Variants in FREM1 observed in about 807,000 individuals in gnomAD.
FREM1 encodes FRAS1 related extracellular matrix 1.
Under a neutral mutation model 210.1 loss-of-function variants are expected in FREM1, and 220 were observed. That is an observed-to-expected ratio of 1.05 (90% CI 0.94 to 1.17). The LOEUF is 1.17. Among genes scored for constraint, FREM1 ranks in the 50% most tolerant of loss-of-function variants. The pLI, the probability that FREM1 is intolerant of heterozygous loss-of-function variation, is 0.00. For missense variants in FREM1, 3,454 were observed against 2,675.5 expected, an observed-to-expected ratio of 1.29 and a Z score of -6.42; for synonymous variants, 1,189 against 980.2, an observed-to-expected ratio of 1.21 and a Z score of -3.98.
intron 1 of FREM1, among the ~76,000 whole-genome samples, chr9:14,888,395 C>T (rs2132316051): frequency 6.6e-6 from 1 of 152,188 alleles, no homozygotes; most frequent in Admixed American, 6.5e-5. Flanking sequence ...CTTCACTAGC[C>T]CTAAAGTTTT....
At chr9:14,871,753 A>T (rs1296596468) in intron 1 of FREM1, among the ~76,000 whole-genome samples, 1 of 151,704 alleles carries the variant, frequency 6.6e-6, no homozygotes, top group Admixed American at 6.6e-5. Flanking sequence ...GAATGGTAAT[A>T]CCTAGGTTTT....
intron 1 of FREM1, among the ~76,000 whole-genome samples, chr9:14,902,988 T>A (rs576957042): frequency 2.0e-5 from 3 of 152,378 alleles, no homozygotes; most frequent in African/African-American, 4.8e-5. Flanking sequence ...CTTTGGGTAC[T>A]ATTTAATGTA....
At chr9:14,883,206 A>T (rs545234826) in intron 1 of FREM1, among the ~76,000 whole-genome samples, 5 of 152,300 alleles carry the variant, frequency 3.3e-5, no homozygotes, top group Non-Finnish European at 7.3e-5. Flanking sequence ...AACAGAATAC[A>T]TATTAAAAAA....
At chr9:14,904,259 T>C (rs1374027590) in intron 1 of FREM1, among the ~76,000 whole-genome samples, 1 of 152,190 alleles carries the variant, frequency 6.6e-6, no homozygotes, top group Non-Finnish European at 1.5e-5. Context: ...GAGTTGTGCC[T>C]TATAGCTCGT....
intron 6 of FREM1, 25 bp from the exon 7 acceptor site, chr9:14,848,798 G>C (rs765269455): frequency 4.1e-5 from 57 of 1,392,086 alleles, no homozygotes; most frequent in Non-Finnish European, 5.6e-5. Flanking sequence ...AGGCAAAGGA[G>C]CCACACACTG....
At chr9:14,810,897 C>T (rs1819283127) in intron 16 of FREM1, among the ~76,000 whole-genome samples, 1 of 152,078 alleles carries the variant, frequency 6.6e-6, no homozygotes, top group Non-Finnish European at 1.5e-5. Flanking sequence ...TTTTCCATTC[C>T]TTCCAAGTTT....
intron 7 of FREM1, among the ~76,000 whole-genome samples, chr9:14,847,434 G>GGAAGGAAGGAAGGAAGGAAGGAAGGA (rs1826885384): frequency 3.0e-5 from 1 of 33,804 alleles, no homozygotes; most frequent in Admixed American, 3.2e-4. Flanking sequence ...GGAAGGGAGG[G>GGAAGGAAGGAAGGAAGGAAGGAAGGA]AGGGAGGGAG....
intron 1 of FREM1, among the ~76,000 whole-genome samples, chr9:14,873,641 G>A (rs1833145599): frequency 6.6e-6 from 1 of 152,022 alleles, no homozygotes; most frequent in African/African-American, 2.4e-5. Context: ...TTAATTTTTT[G>A]AAGGGTTTTT....
chr9:14,879,311 G>C lies in FREM1; in HGVS notation c.-267-10067C>G, dbSNP rs918637201. Among the ~76,000 whole-genome samples, 28 of 41,752 alleles carry C rather than the reference G, an allele frequency of 6.7e-4. No individual in the cohort carries two copies. In the Admixed American group the frequency reaches 6.8e-3, roughly 10 times the overall value. 27.4% of individuals were successfully genotyped at this position (41,752 alleles called of 152,430 possible). A position where few individuals can be genotyped will look rare whatever the true frequency, so the allele number is the denominator to read the frequency against. On this transcript the variant is annotated intron_variant, in intron 1 of 36. Transcript: ENST00000380880. ...CCATTTTCTGTGCCCATAACACTGA[G>C]GTTGAGGAGGTTGAGATTCTTGACT...
intron 32 of FREM1, 94 bp downstream of exon 32, chr9:14,747,587 A>T: frequency 2.0e-6 from 2 of 1,012,620 alleles, no homozygotes; most frequent in South Asian, 3.6e-5. Flanking sequence ...TTTTTAAGAG[A>T]AATGTATAAA....
chr9:14,800,441 T>C (rs1853317836), intron 20 of FREM1, among the ~76,000 whole-genome samples: 1 of 152,240 alleles, frequency 6.6e-6, no homozygotes, highest in Non-Finnish European at 1.5e-5. Flanking sequence ...AGATTGAATT[T>C]TTTAAAAGAG....
chr9:14,845,969 T>C lies in FREM1; in HGVS notation c.1384A>G (p.Thr462Ala), dbSNP rs1826527814. 6.2e-7 allele frequency: 1 copy of C among 1,613,622 alleles called. No individual in the cohort carries two copies. Among genetic ancestry groups the C allele is most frequent in the African/African-American group, 1.3e-5 (1 of 75,056 alleles). The change falls in exon 8 of 37, where the codon ACT becomes GCT. Residue 462 changes from threonine to alanine, a missense_variant. Transcript: ENST00000380880. Reference protein sequence around the residue: ...TVGGLQHGWLTLRGGKGFLFT... With the variant: ...TVGGLQHGWLALRGGKGFLFT... Reference sequence around the variant, plus strand: ...AAGTTGGATCATTCACCTCTTAAAGTCAGCCATCCATGCTGCAGGCCACCA... The same window carrying C: ...AAGTTGGATCATTCACCTCTTAAAGCCAGCCATCCATGCTGCAGGCCACCA...
chr9:14,857,866 T>G (rs146443018), intron 4 of FREM1, 117 bp from the exon 5 acceptor site: 3 of 618,980 alleles, frequency 4.8e-6, no homozygotes, highest in East Asian at 2.9e-5. Flanking sequence ...GGAACACTCA[T>G]GTACCTTCCA....
intron 1 of FREM1, among the ~76,000 whole-genome samples, chr9:14,889,658 T>G (rs777396021): frequency 4.6e-5 from 7 of 152,206 alleles, no homozygotes; most frequent in Non-Finnish European, 7.3e-5. Flanking sequence ...TTCAGGAAGC[T>G]GCCAGACTCA....
intron 3 of FREM1, among the ~76,000 whole-genome samples, chr9:14,863,042 G>T (rs1830853769): frequency 6.6e-6 from 1 of 151,886 alleles, no homozygotes; most frequent in Non-Finnish European, 1.5e-5. Context: ...CTCCATAGTT[G>T]ATTTTTAAAG....
intron 10 of FREM1, among the ~76,000 whole-genome samples, chr9:14,837,108 C>G (rs1824773567): frequency 1.3e-5 from 2 of 152,190 alleles, no homozygotes; most frequent in South Asian, 4.1e-4. Flanking sequence ...ATGCTCCTGG[C>G]AACATGGCCG....
intron 8 of FREM1, among the ~76,000 whole-genome samples, chr9:14,843,893 A>T (rs1826136341): frequency 6.6e-6 from 1 of 152,230 alleles, no homozygotes; most frequent in Non-Finnish European, 1.5e-5. Context: ...TAGAGCTCTA[A>T]TATCTAACAG....
chr9:14,870,453 C>A (rs1239296218), intron 1 of FREM1, among the ~76,000 whole-genome samples: 2 of 152,198 alleles, frequency 1.3e-5, no homozygotes, highest in African/African-American at 4.8e-5. Context: ...CAAGAATGCA[C>A]ATCTGGTTGT....
intron 4 of FREM1, 28 bp downstream of exon 4, chr9:14,859,155 C>T: frequency 6.6e-7 from 1 of 1,516,444 alleles, no homozygotes; most frequent in Non-Finnish European, 8.8e-7. Context: ...TTTGGTAATA[C>T]CCAGAAAGGC....
Sources: gnomAD v4.1 joint callset for allele counts (sites outside exome capture counted in the v4.1 genomes callset) on GRCh38, gnomAD v4.1.1 for gene constraint, MANE v1.5 for transcripts, NCBI Gene and HGNC (gene_info 2026-07-23, HGNC 2026-07-21) for gene names.